The following ATP9A variants were observed in gnomAD, a reference collection of about 807,000 sequenced individuals.
ATP9A encodes ATPase phospholipid transporting 9A, also known as probable phospholipid-transporting ATPase IIA.
A neutral mutation model predicts 144.1 loss-of-function variants in ATP9A; 52 were observed. The ratio of observed to expected loss-of-function variants is 0.36; its 90% CI spans 0.29 to 0.45. The LOEUF is 0.45. Ranked by LOEUF, ATP9A falls within the 20% of genes least tolerant of loss-of-function variation. The probability of loss-of-function intolerance (pLI) is 1.00; values close to 1 mark genes in which losing one functional copy is unlikely to be tolerated. For missense variants in ATP9A, 947 were observed against 1,392.7 expected, an observed-to-expected ratio of 0.68 and a Z score of 5.09; for synonymous variants, 582 against 557.4, an observed-to-expected ratio of 1.04 and a Z score of -0.62.
intron 4 of ATP9A, among the ~76,000 whole-genome samples, chr20:51,700,648 T>C (rs2077589464): frequency 6.6e-6 from 1 of 152,086 alleles, no homozygotes; most frequent in Admixed American, 6.6e-5. Flanking sequence ...CTGACCAACA[T>C]GGAGAAACTC....
At chr20:51,604,214 G>A (rs555099107) in intron 27 of ATP9A, among the ~76,000 whole-genome samples, 5 of 152,250 alleles carry the variant, frequency 3.3e-5, no homozygotes, top group East Asian at 1.9e-4. Context: ...TGTTCCCAAC[G>A]AGAAGGGCAG....
intron 20 of ATP9A, 35 bp downstream of exon 20, chr20:51,618,919 T>C (rs2077214677): frequency 6.2e-7 from 1 of 1,610,984 alleles, no homozygotes; most frequent in Non-Finnish European, 8.5e-7. Context: ...CCCAGGCTGC[T>C]GGGAGGACTG....
At chr20:51,677,038 A>G (rs2077480429) in intron 9 of ATP9A, among the ~76,000 whole-genome samples, 1 of 147,176 alleles carries the variant, frequency 6.8e-6, no homozygotes, top group South Asian at 2.1e-4. Context: ...GGCTCAAGCG[A>G]TCCTCCCACT....
At position 51,735,884 on chromosome 20, in the gene ATP9A, C is replaced by T. The variant is rs1323036417; in HGVS notation, c.69-5906G>A. Among the ~76,000 whole-genome samples, 3 of 152,344 alleles carry T rather than the reference C, an allele frequency of 2.0e-5. No homozygotes were observed. The East Asian group carries it at 5.8e-4, about 29-fold the overall frequency. On this transcript the variant is annotated intron_variant, in intron 1 of 27. Coordinates refer to ENST00000338821, the MANE Select transcript of ATP9A (RefSeq NM_006045.3). The stretch of plus-strand genomic sequence containing the variant: ...CTGAGTGTTTGCACAGTGGCCAGCC[C>T]TCGCCTAGGCACCGGGCATTCAGTA...
intron 14 of ATP9A, among the ~76,000 whole-genome samples, chr20:51,647,318 G>T (rs146632484): frequency 6.6e-6 from 1 of 152,230 alleles, no homozygotes; most frequent in Non-Finnish European, 1.5e-5. Flanking sequence ...TGGGGCCAAG[G>T]ATGGTGGATC....
intron 18 of ATP9A, among the ~76,000 whole-genome samples, chr20:51,623,382 C>T (rs2077234430): frequency 6.6e-6 from 1 of 152,150 alleles, no homozygotes; most frequent in African/African-American, 2.4e-5. Context: ...GTCCAAGACC[C>T]CAGCTCCAGT....
intron 5 of ATP9A, 148 bp downstream of exon 5, chr20:51,697,276 T>C (rs780066126): frequency 7.7e-6 from 5 of 651,446 alleles, no homozygotes; most frequent in Non-Finnish European, 1.3e-5. Context: ...TCTGTCTGTC[T>C]GTCTCACAGG....
intron 18 of ATP9A, 126 bp downstream of exon 18, chr20:51,625,066 G>A: frequency 1.3e-6 from 1 of 751,740 alleles, no homozygotes; most frequent in Non-Finnish European, 2.0e-6. Flanking sequence ...GTGGCCCATT[G>A]CAGATAAGGC....
chr20:51,759,658 A>G (rs2077870836), intron 1 of ATP9A, among the ~76,000 whole-genome samples: 1 of 152,090 alleles, frequency 6.6e-6, no homozygotes, highest in Non-Finnish European at 1.5e-5. Context: ...GGGCGACAAG[A>G]GCAAGATTCT....
intron 1 of ATP9A, among the ~76,000 whole-genome samples, chr20:51,742,708 T>C (rs2077790405): frequency 6.6e-6 from 1 of 151,978 alleles, no homozygotes; most frequent in African/African-American, 2.4e-5. Context: ...AGAGACGGCG[T>C]TTCACCATGT....
rs1262326228 is a variant in ATP9A at position 51,625,230 on chromosome 20, G to A, written c.1978C>T (p.Arg660Trp). ...TTCCTCAGGGTCTCCAGCGTGGGCCGCACATCTGCCTGCAGCTGGTCCTCC... is the reference window on the plus strand; with the variant it reads ...TTCCTCAGGGTCTCCAGCGTGGGCCACACATCTGCCTGCAGCTGGTCCTCC... ...GVEDQLQADV[R>W]PTLETLRNAG... Residue 660 changes from arginine to tryptophan, a missense_variant, in exon 18 of 28, where the codon CGG (arginine) becomes TGG (tryptophan). Transcript: ENST00000338821. 4 of 1,613,846 alleles carry A rather than the reference G, an allele frequency of 2.5e-6. No individual in the cohort carries two copies. Among genetic ancestry groups the A allele is most frequent in the Non-Finnish European group, 2.5e-6 (3 of 1,180,006 alleles).
chr20:51,616,626 C>A (rs1006652676), intron 22 of ATP9A, among the ~76,000 whole-genome samples: 2 of 152,030 alleles, frequency 1.3e-5, no homozygotes, highest in African/African-American at 4.8e-5. Flanking sequence ...GCCCTTCACA[C>A]ACAGTCCTAA....
intron 17 of ATP9A, 79 bp from the exon 18 acceptor site, chr20:51,625,441 G>T: frequency 6.7e-7 from 1 of 1,485,656 alleles, no homozygotes. Context: ...AGAGTGGAAG[G>T]GCCACACCCG....
chr20:51,758,302 C>A (rs2077864882), intron 1 of ATP9A, among the ~76,000 whole-genome samples: 1 of 152,112 alleles, frequency 6.6e-6, no homozygotes, highest in Non-Finnish European at 1.5e-5. Flanking sequence ...TATAATTAGT[C>A]TTTTTCTTTC....
intron 13 of ATP9A, among the ~76,000 whole-genome samples, chr20:51,667,463 G>A (rs189110716): frequency 6.6e-6 from 1 of 152,332 alleles, no homozygotes; most frequent in Non-Finnish European, 1.5e-5. Flanking sequence ...AGCCCCCCAA[G>A]AAGGAGCCTG....
Position 51,600,887 on chromosome 20 carries a change from G to A in ATP9A, c.*324C>T, listed in dbSNP as rs115114197. The A allele has an allele frequency of 6.1e-3, 1,290 of 210,362 alleles. 18 individuals carry two copies. The highest frequency in any genetic ancestry group is 0.029 in the African/African-American group (1,243 of 43,438). The allele number at this position is 210,362 out of a possible 1,614,324, so 13.0% of individuals were successfully genotyped here. A position where few individuals can be genotyped will look rare whatever the true frequency, so the allele number is the denominator to read the frequency against. On this transcript the variant is annotated 3_prime_UTR_variant, in exon 28 of 28. Coordinates refer to ENST00000338821, the MANE Select transcript of ATP9A (RefSeq NM_006045.3). ...TCAGCTACACAGAAACTTTTATCAT[G>A]TGACAACAAAATTCAAGTCATAAGG... is the stretch of plus-strand genomic sequence containing the variant.
At chr20:51,703,290 T>A (rs71351237) in intron 4 of ATP9A, among the ~76,000 whole-genome samples, 8,482 of 152,198 alleles carry the variant, frequency 0.056, 425 homozygotes, top group African/African-American at 0.13. Flanking sequence ...CCTGGCCCTG[T>A]CCTAAGAACC....
intron 3 of ATP9A, among the ~76,000 whole-genome samples, chr20:51,718,568 A>G (rs1209935543): frequency 6.6e-6 from 1 of 151,972 alleles, no homozygotes; most frequent in Non-Finnish European, 1.5e-5. Flanking sequence ...CTGTAATCCC[A>G]GCACTTTGGG....
chr20:51,747,467 G>C (rs2077813665), intron 1 of ATP9A, among the ~76,000 whole-genome samples: 1 of 151,936 alleles, frequency 6.6e-6, no homozygotes, highest in Non-Finnish European at 1.5e-5. Flanking sequence ...AGGAAGTAGA[G>C]ACATATACAC....
Sources: gnomAD v4.1 joint callset for allele counts (sites outside exome capture counted in the v4.1 genomes callset) on GRCh38, gnomAD v4.1.1 for gene constraint, MANE v1.5 for transcripts, NCBI Gene and HGNC (gene_info 2026-07-23, HGNC 2026-07-21) for gene names.